CSMD2: variants seen among roughly 807,000 people sequenced by gnomAD.
The protein encoded by CSMD2 is CUB and sushi domain-containing protein 2.
A neutral mutation model predicts 398.5 loss-of-function variants in CSMD2; 130 were observed. The ratio of observed to expected loss-of-function variants is 0.33; its 90% CI spans 0.28 to 0.38. The LOEUF (loss-of-function observed/expected upper bound fraction) is 0.38. Among genes scored for constraint, CSMD2 ranks in the 10% least tolerant of loss-of-function variants. The probability of loss-of-function intolerance (pLI) is 1.00; values close to 1 mark genes in which losing one functional copy is unlikely to be tolerated. For synonymous variants in CSMD2, 1,828 were observed against 1,908.5 expected (o/e 0.96, Z 1.10); for missense variants, 3,829 against 4,764.9 (o/e 0.80, Z 5.78).
chr1:34,076,115 G>A (rs1285931083), intron 2 of CSMD2, among the ~76,000 whole-genome samples: 2 of 152,212 alleles, frequency 1.3e-5, no homozygotes, highest in East Asian at 1.9e-4. Context: ...GGTAGAGAAA[G>A]GGAGTCATTG....
chr1:33,663,264 C>T (rs1276119116), intron 25 of CSMD2, among the ~76,000 whole-genome samples, 172 bp from the exon 26 acceptor site: 1 of 152,160 alleles, frequency 6.6e-6, no homozygotes, highest in African/African-American at 2.4e-5. Context: ...CTCATTTCAC[C>T]AGGCCAGCTC....
intron 4 of CSMD2, among the ~76,000 whole-genome samples, chr1:33,934,798 C>G (rs1644418504): frequency 6.8e-6 from 1 of 147,508 alleles, no homozygotes; most frequent in South Asian, 2.1e-4. Flanking sequence ...GAGTTCAAGA[C>G]CAGCCTGGGC....
At position 33,714,646 on chromosome 1, in the gene CSMD2, C is replaced by T. The variant is rs774023508; in HGVS notation, c.3347G>A (p.Arg1116His). 40 of 1,613,982 alleles carry T rather than the reference C, an allele frequency of 2.5e-5. No homozygotes were observed. Among genetic ancestry groups the T allele is most frequent in the South Asian group, 1.1e-4 (10 of 91,084 alleles). ...CCGTCTGCCCCCCAGGCACGTGATG[C>T]GGGCGGTGCCCTCCAGACGGTACCC... is the stretch of plus-strand genomic sequence containing the variant. ...FPGYRLEGTA[R>H]ITCLGGRRRL... Residue 1116 changes from arginine to histidine, a missense_variant, in exon 21 of 71, where the codon CGC becomes CAC. Transcript: ENST00000373381.
At chr1:33,951,731 A>G (rs1432032946) in intron 3 of CSMD2, among the ~76,000 whole-genome samples, 1 of 152,176 alleles carries the variant, frequency 6.6e-6, no homozygotes, top group Non-Finnish European at 1.5e-5. Context: ...ACTTCTTAGC[A>G]AGACATTTAA....
rs774070956 is a variant in CSMD2 at position 33,714,606 on chromosome 1, C to T, written c.3387G>A (p.Ser1129=). ...CLGGRRRLWS[S]PLPRCVAECG... ...ACCTACCAACACACCTTGGCAGAGG[C>T]GAGCTCCACAGGCGCCGTCTGCCCC... Residue 1129 remains serine, a synonymous_variant, in exon 21 of 71, where the codon TCG becomes TCA. Transcript: ENST00000373381. The T allele has an allele frequency of 9.3e-6, 15 of 1,613,686 alleles. No individual in the cohort carries two copies. Among genetic ancestry groups the T allele is most frequent in the East Asian group, 4.5e-5 (2 of 44,886 alleles).
intron 2 of CSMD2, among the ~76,000 whole-genome samples, chr1:34,054,999 C>T (rs181885375): frequency 3.3e-5 from 5 of 152,126 alleles, no homozygotes; most frequent in African/African-American, 4.8e-5. Context: ...ATAATAAGCA[C>T]CTGTATATAC....
chr1:33,639,972 G>A (rs1385756284), intron 29 of CSMD2, among the ~76,000 whole-genome samples: 1 of 152,168 alleles, frequency 6.6e-6, no homozygotes, highest in Non-Finnish European at 1.5e-5. Context: ...GATCAGAGAG[G>A]CCAAATGAGT....
intron 44 of CSMD2, among the ~76,000 whole-genome samples, chr1:33,591,315 G>T (rs905914401): frequency 6.6e-6 from 1 of 152,092 alleles, no homozygotes; most frequent in Non-Finnish European, 1.5e-5. Flanking sequence ...AACCAAATTA[G>T]CTTAGAAAAA....
chr1:34,019,685 T>G (rs767727136), intron 3 of CSMD2, among the ~76,000 whole-genome samples: 2 of 152,116 alleles, frequency 1.3e-5, no homozygotes, highest in African/African-American at 4.8e-5. Context: ...CTCTAAAGCA[T>G]AAATCTCACG....
In CSMD2 at chr1:33,810,848, G is replaced by T; in HGVS notation, c.1341C>A (p.Ala447=). ...RPVCRARMCD[A]HLRGPSGIIT... is the part of the protein sequence containing the mutation. ...TGATGCCCGAGGGGCCTCGAAGGTG[G>T]GCATCACACATGCGGGCTGCAGAGG... The change falls in exon 10 of 71, where the codon GCC becomes GCA. Residue 447 remains alanine, a synonymous_variant. Transcript: ENST00000373381. The T allele has an allele frequency of 1.2e-6, 2 of 1,612,122 alleles. No homozygotes were observed. The highest frequency in any genetic ancestry group is 1.7e-6 in the Non-Finnish European group (2 of 1,179,214).
At chr1:33,918,774 A>G (rs569641316) in intron 4 of CSMD2, among the ~76,000 whole-genome samples, 1 of 152,324 alleles carries the variant, frequency 6.6e-6, no homozygotes, top group South Asian at 2.1e-4. Flanking sequence ...AGGGTAAGGA[A>G]GGTCTAGATT....
intron 12 of CSMD2, among the ~76,000 whole-genome samples, chr1:33,779,369 T>C (rs1366672403): frequency 6.6e-6 from 1 of 152,152 alleles, no homozygotes; most frequent in Non-Finnish European, 1.5e-5. Flanking sequence ...ATGTGACTTA[T>C]TTTCTCTGAG....
chr1:34,071,660 T>C (rs1214052980), intron 2 of CSMD2, among the ~76,000 whole-genome samples: 1 of 152,164 alleles, frequency 6.6e-6, no homozygotes, highest in Non-Finnish European at 1.5e-5. Flanking sequence ...GAAAATATTG[T>C]CCCTAGCTAG....
In CSMD2 at chr1:33,611,229, T is replaced by C; in HGVS notation, c.6155A>G (p.Asn2052Ser). ...GTCGTGGTTGGGCTCGGTGGAGAAGTTCAGGAACTGGATGTGAGCTCCTGG... is the reference window on the plus strand; with the variant it reads ...GTCGTGGTTGGGCTCGGTGGAGAAGCTCAGGAACTGGATGTGAGCTCCTGG... The part of the protein sequence containing the change: ...VGFGAHIQFL[N>S]FSTEPNHDYI... The change falls in exon 41 of 71, where the codon AAC becomes AGC. Residue 2052 changes from asparagine (N) to serine (S), a missense_variant. Physicochemically the swap from Asn to Ser is conservative, Grantham distance 46. This residue lies in a region of CSMD2 where 2,001 missense variants were observed against 2,567.1 expected (regional missense o/e 0.78). Transcript: ENST00000373381. The C allele has an allele frequency of 6.2e-7, 1 of 1,613,936 alleles. No homozygotes were observed. The highest frequency in any genetic ancestry group is 8.5e-7 in the Non-Finnish European group (1 of 1,179,968).
intron 25 of CSMD2, among the ~76,000 whole-genome samples, chr1:33,686,364 C>T (rs1448671216): frequency 6.6e-6 from 1 of 152,198 alleles, no homozygotes; most frequent in Non-Finnish European, 1.5e-5. Flanking sequence ...AGGGAGGGAG[C>T]AGCTCATGGG....
chr1:33,905,134 T>C (rs1281471775), intron 5 of CSMD2, among the ~76,000 whole-genome samples: 2 of 152,098 alleles, frequency 1.3e-5, no homozygotes, highest in African/African-American at 2.4e-5. Context: ...CCTGTTAATA[T>C]GCATGAAGCC....
chr1:33,925,129 C>A (rs1003934257), intron 4 of CSMD2, among the ~76,000 whole-genome samples: 17 of 152,090 alleles, frequency 1.1e-4, no homozygotes, highest in African/African-American at 4.1e-4. Context: ...TTGCCTAGAC[C>A]AATCTCCTGG....
intron 3 of CSMD2, among the ~76,000 whole-genome samples, chr1:33,973,572 G>A (rs1383427794): frequency 6.6e-6 from 1 of 152,226 alleles, no homozygotes; most frequent in Non-Finnish European, 1.5e-5. Context: ...GCATTGAGAA[G>A]GTGAAGTGCA....
chr1:33,970,070 C>T (rs1645701956), intron 3 of CSMD2, among the ~76,000 whole-genome samples: 1 of 149,722 alleles, frequency 6.7e-6, no homozygotes. Context: ...CACGCCATTG[C>T]ACTCCAGCCT....
Sources: gnomAD v4.1 joint callset for allele counts (sites outside exome capture counted in the v4.1 genomes callset) on GRCh38, gnomAD v4.1.1 for gene constraint, gnomAD v4.1.1 regional missense constraint, MANE v1.5 for transcripts, NCBI Gene and HGNC (gene_info 2026-07-23, HGNC 2026-07-21) for gene names.